CYB5B: variants seen among roughly 807,000 people sequenced by gnomAD.
CYB5B encodes cytochrome b5 type B (outer mitochondrial membrane).
CYB5B carries 14 observed loss-of-function variants against 21.3 expected under a neutral mutation model. The ratio of observed to expected loss-of-function variants is 0.66; its 90% CI spans 0.43 to 1.03. The LOEUF (loss-of-function observed/expected upper bound fraction) is 1.03. Ranked by LOEUF, CYB5B falls within the 50% of genes least tolerant of loss-of-function variation. The pLI, the probability that CYB5B is intolerant of heterozygous loss-of-function variation, is 0.00. For synonymous variants in CYB5B, 69 were observed against 68.4 expected (o/e 1.01, Z -0.04); for missense variants, 166 against 185.1 (o/e 0.90, Z 0.60).
At chr16:69,452,663 C>G (rs1463425187) in intron 3 of CYB5B, among the ~76,000 whole-genome samples, 1 of 151,584 alleles carries the variant, frequency 6.6e-6, no homozygotes, top group Admixed American at 6.6e-5. Context: ...GAACGAGACC[C>G]TGTCTCAAAA....
intron 3 of CYB5B, among the ~76,000 whole-genome samples, chr16:69,452,882 G>A (rs147916460): frequency 0.021 from 3,163 of 150,870 alleles, 48 homozygotes; most frequent in Non-Finnish European, 0.032. Context: ...ACCTGTCGTC[G>A]CAGCTACTCG....
chr16:69,452,143 G>A (rs1036274939), intron 3 of CYB5B, among the ~76,000 whole-genome samples: 2 of 151,172 alleles, frequency 1.3e-5, no homozygotes, highest in African/African-American at 4.9e-5. Flanking sequence ...GGCCGGGCGC[G>A]GTGGCTCAAG....
chr16:69,426,398 C>G (rs1385315292), intron 1 of CYB5B, among the ~76,000 whole-genome samples: 1 of 80,530 alleles, frequency 1.2e-5, no homozygotes, highest in Non-Finnish European at 2.5e-5. Flanking sequence ...GATTCCATCT[C>G]AAAAAAAAAA....
chr16:69,455,230 G>A (rs1326894710), intron 3 of CYB5B, among the ~76,000 whole-genome samples: 1 of 151,896 alleles, frequency 6.6e-6, no homozygotes, highest in African/African-American at 2.4e-5. Flanking sequence ...TCATGATTCT[G>A]GTTCATTCTT....
rs924677090 is a variant in CYB5B, at chr16:69,465,800, A to G, written c.*3280A>G. The G allele has an allele frequency of 1.3e-5, 2 of 152,204 alleles. No individual in the cohort carries two copies. The highest frequency in any genetic ancestry group is 2.9e-5 in the Non-Finnish European group (2 of 68,040). The allele number at this position is 152,204 out of a possible 1,614,324, so 9.4% of individuals were successfully genotyped here. On this transcript the variant is annotated 3_prime_UTR_variant, in exon 5 of 5. Coordinates refer to ENST00000307892, the MANE Select transcript of CYB5B (RefSeq NM_030579.3). ...GGATTCAGACATGTCTTGTCTCAAC[A>G]AGAAATTGATTTTTTTTTAAACTAT...
rs139124389 is a variant in CYB5B at position 69,444,504 on chromosome 16, G to A, written c.175-2646G>A. On this transcript the variant is annotated intron_variant, in intron 1 of 4. Transcript: ENST00000307892. ...GCAGCCCTGCATCCATTTGATTTTC[G>A]CTAACTCTATCTGGAGACTATAGAG... Among the ~76,000 whole-genome samples the A allele has an allele frequency of 4.2e-3, 635 of 152,132 alleles. 6 individuals carry two copies. Among genetic ancestry groups the A allele is most frequent in the African/African-American group, 0.015 (608 of 41,518 alleles).
At chr16:69,433,509 TC>T (rs34076615) in intron 1 of CYB5B, among the ~76,000 whole-genome samples, 26,280 of 152,186 alleles carry the variant, frequency 0.17, 2,383 homozygotes, top group Middle Eastern at 0.25. Flanking sequence ...CAGGGATCTT[TC>T]CATAGCAATA....
intron 4 of CYB5B, chr16:69,459,578 G>A (rs1283370749): frequency 6.5e-6 from 1 of 153,638 alleles, no homozygotes; most frequent in African/African-American, 2.4e-5. Flanking sequence ...GGTTTTCTCA[G>A]GTTTATTTAC....
intron 3 of CYB5B, among the ~76,000 whole-genome samples, chr16:69,458,184 T>G (rs1465530331): frequency 6.6e-6 from 1 of 152,204 alleles, no homozygotes; most frequent in African/African-American, 2.4e-5. Flanking sequence ...CTATTTAAAA[T>G]GTACAAATCA....
intron 1 of CYB5B, among the ~76,000 whole-genome samples, chr16:69,432,578 TAG>T (rs1299361375): frequency 3.3e-5 from 5 of 152,168 alleles, no homozygotes; most frequent in South Asian, 2.1e-4. Context: ...TATACAGAAA[TAG>T]AGTCATAGTA....
rs117949766 is a variant in CYB5B, at chr16:69,424,688, C to T, written c.5C>T (p.Ser2Phe). 1.5e-3 allele frequency: 2,410 copies of T among 1,574,348 alleles called. 76 individuals carry two copies. The East Asian group carries it at 0.046, about 30-fold the overall frequency. M[S>F]GSMATAEASG... is the part of the protein sequence containing the mutation. Reference sequence around the variant, plus strand: ...AGTTAGCGGTGGAGAGGCAGTATGTCCGGTTCAATGGCGACTGCGGAAGCT... The same window carrying T: ...AGTTAGCGGTGGAGAGGCAGTATGTTCGGTTCAATGGCGACTGCGGAAGCT... Residue 2 changes from serine (S) to phenylalanine (F), a missense_variant, in exon 1 of 5, where the codon TCC (serine) becomes TTC (phenylalanine). Transcript: ENST00000307892.
At chr16:69,437,352 G>C (rs1352087792) in intron 1 of CYB5B, among the ~76,000 whole-genome samples, 1 of 152,016 alleles carries the variant, frequency 6.6e-6, no homozygotes, top group East Asian at 1.9e-4. Context: ...ATTCACAAGA[G>C]GTTTAAATAC....
intron 1 of CYB5B, among the ~76,000 whole-genome samples, chr16:69,432,268 A>T (rs1172658126): frequency 6.6e-6 from 1 of 152,186 alleles, no homozygotes; most frequent in Non-Finnish European, 1.5e-5. Context: ...TTGACTTAAA[A>T]TTTTTTGACT....
At chr16:69,441,728 T>G (rs2014825511) in intron 1 of CYB5B, among the ~76,000 whole-genome samples, 1 of 152,216 alleles carries the variant, frequency 6.6e-6, no homozygotes. Context: ...TTCAACTGAC[T>G]GGACATATAC....
At chr16:69,435,989 TG>T (rs1314181521) in intron 1 of CYB5B, among the ~76,000 whole-genome samples, 1 of 152,152 alleles carries the variant, frequency 6.6e-6, no homozygotes, top group Non-Finnish European at 1.5e-5. Flanking sequence ...TGGTTCCAAG[TG>T]GTTAGTTCTA....
rs1404853166 is a variant in CYB5B, at chr16:69,463,051, C to T, written c.*531C>T. 1.3e-5 allele frequency: 2 copies of T among 153,640 alleles called. No homozygotes were observed. Among genetic ancestry groups the T allele is most frequent in the Non-Finnish European group, 2.9e-5 (2 of 69,046 alleles). The allele number at this position is 153,640 out of a possible 1,614,324, so 9.5% of individuals were successfully genotyped here. On this transcript the variant is annotated 3_prime_UTR_variant, in exon 5 of 5. Transcript: ENST00000307892. The stretch of plus-strand genomic sequence containing the variant: ...TTGAGGCCAAGAGTTCAAGACCAGC[C>T]TGGGCAACATAGCGAGACCCCTATC...
In CYB5B at chr16:69,447,248, A is replaced by G. The variant is rs773597307; in HGVS notation, c.273A>G (p.Leu91=). ...VGHSSDAREM[L]KQYYIGDIHP... is the part of the protein sequence containing the mutation. ...ACTCTTCTGATGCCAGAGAAATGCT[A>G]AAGCAGTACTACATTGGTGATATCC... is the stretch of plus-strand genomic sequence containing the variant. Residue 91 remains leucine, a synonymous_variant, in exon 2 of 5, where the codon CTA becomes CTG. Coordinates refer to ENST00000307892, the MANE Select transcript of CYB5B (RefSeq NM_030579.3). 2.4e-5 allele frequency: 38 copies of G among 1,613,928 alleles called. No homozygotes were observed. Among genetic ancestry groups the G allele is most frequent in the East Asian group, 1.8e-4 (8 of 44,896 alleles).
chr16:69,445,199 T>C (rs1330425404), intron 1 of CYB5B, among the ~76,000 whole-genome samples: 1 of 152,232 alleles, frequency 6.6e-6, no homozygotes, highest in Non-Finnish European at 1.5e-5. Flanking sequence ...ATGACTTAGT[T>C]CCACAACAAA....
At chr16:69,451,181 T>C (rs1055450001) in intron 3 of CYB5B, among the ~76,000 whole-genome samples, 1 of 152,230 alleles carries the variant, frequency 6.6e-6, no homozygotes, top group Admixed American at 6.5e-5. Context: ...AATCTCTTCC[T>C]TGCTGGATTA....
Sources: gnomAD v4.1 joint callset for allele counts (sites outside exome capture counted in the v4.1 genomes callset) on GRCh38, gnomAD v4.1.1 for gene constraint, MANE v1.5 for transcripts, NCBI Gene and HGNC (gene_info 2026-07-23, HGNC 2026-07-21) for gene names.